Variants in DOCK5 observed in about 807,000 individuals in gnomAD.
The protein encoded by DOCK5 is dedicator of cytokinesis 5.
In DOCK5, 142 loss-of-function variants were observed where a neutral mutation model predicts 251.8. The observed-to-expected ratio is 0.56, with a 90% confidence interval of 0.49 to 0.65. The LOEUF is 0.65. DOCK5 is among the 30% of genes least tolerant of loss of function. DOCK5 has a pLI of 0.00. For synonymous variants in DOCK5, 842 were observed against 835.5 expected, an observed-to-expected ratio of 1.01 and a Z score of -0.13; for missense variants, 2,111 against 2,312.3, an observed-to-expected ratio of 0.91 and a Z score of 1.79.
chr8:25,408,685 G>T, intron 49 of DOCK5, 117 bp from the exon 50 acceptor site: 1 of 1,223,078 alleles, frequency 8.2e-7, no homozygotes, highest in Non-Finnish European at 1.2e-6. Context: ...CTTAAAAATC[G>T]CTCCTTCAGT....
At chr8:25,261,909 T>C (rs912860913) in intron 2 of DOCK5, among the ~76,000 whole-genome samples, 2 of 152,204 alleles carry the variant, frequency 1.3e-5, no homozygotes, top group African/African-American at 4.8e-5. Flanking sequence ...TTTGGGTTCA[T>C]CCATGATGTT....
intron 45 of DOCK5, among the ~76,000 whole-genome samples, chr8:25,397,104 C>A (rs1801359772): frequency 1.3e-5 from 2 of 151,908 alleles, no homozygotes; most frequent in South Asian, 4.1e-4. Flanking sequence ...TGCCTGTAAT[C>A]TCAGGTACTG....
intron 2 of DOCK5, among the ~76,000 whole-genome samples, chr8:25,249,183 G>T (rs1803201088): frequency 6.6e-6 from 1 of 151,892 alleles, no homozygotes; most frequent in African/African-American, 2.4e-5. Flanking sequence ...AATTTTTTAG[G>T]AGAGGTGAAG....
chr8:25,273,702 A>G (rs1362106092), intron 3 of DOCK5, among the ~76,000 whole-genome samples: 1 of 152,200 alleles, frequency 6.6e-6, no homozygotes, highest in Admixed American at 6.5e-5. Flanking sequence ...TGTATGTTTT[A>G]TACTGATAGA....
intron 2 of DOCK5, among the ~76,000 whole-genome samples, chr8:25,253,376 C>T (rs971874371): frequency 6.6e-6 from 1 of 151,868 alleles, no homozygotes; most frequent in Admixed American, 6.6e-5. Flanking sequence ...TGGACCGCAA[C>T]AGATCTTGGT....
chr8:25,402,677 C>A (rs1012902281), intron 47 of DOCK5, among the ~76,000 whole-genome samples: 18 of 152,166 alleles, frequency 1.2e-4, no homozygotes, highest in Non-Finnish European at 2.6e-4. Context: ...CTCCTGGACT[C>A]AAGCAATCCT....
chr8:25,255,168 ACT>A (rs1474047514), intron 2 of DOCK5, among the ~76,000 whole-genome samples: 1 of 152,156 alleles, frequency 6.6e-6, no homozygotes, highest in Non-Finnish European at 1.5e-5. Flanking sequence ...AGCTAAACAC[ACT>A]CTCATCACAC....
At chr8:25,365,252 A>G (rs1187535801) in intron 30 of DOCK5, among the ~76,000 whole-genome samples, 1 of 152,198 alleles carries the variant, frequency 6.6e-6, no homozygotes, top group Admixed American at 6.5e-5. Context: ...GCGCCCTGGT[A>G]GGGGCATTTC....
intron 36 of DOCK5, 69 bp downstream of exon 36, chr8:25,373,727 C>G: frequency 7.0e-7 from 1 of 1,432,516 alleles, no homozygotes; most frequent in Non-Finnish European, 9.5e-7. Flanking sequence ...CTTCAGTAAA[C>G]AAATACTTTC....
At chr8:25,260,803 T>C (rs543083924) in intron 2 of DOCK5, among the ~76,000 whole-genome samples, 1 of 152,130 alleles carries the variant, frequency 6.6e-6, no homozygotes, top group Admixed American at 6.5e-5. Context: ...TTTCTTTTTT[T>C]TTTTTTTAAA....
chr8:25,313,120 G>T (rs1805145865), intron 13 of DOCK5, among the ~76,000 whole-genome samples: 1 of 152,082 alleles, frequency 6.6e-6, no homozygotes, highest in South Asian at 2.1e-4. Flanking sequence ...AACTCCCTGG[G>T]CTCAGAACTC....
intron 9 of DOCK5, among the ~76,000 whole-genome samples, chr8:25,301,509 T>C (rs1804762048): frequency 6.6e-6 from 1 of 152,180 alleles, no homozygotes; most frequent in East Asian, 1.9e-4. Context: ...TAGTTTTTTT[T>C]CTGAAGTCGA....
intron 36 of DOCK5, 40 bp downstream of exon 36, chr8:25,373,698 A>G (rs1446273337): frequency 3.2e-6 from 5 of 1,546,592 alleles, no homozygotes; most frequent in Non-Finnish European, 4.4e-6. Flanking sequence ...TGTTTATTTC[A>G]TGGCTTTGTG....
intron 32 of DOCK5, 34 bp from the exon 33 acceptor site, chr8:25,368,537 A>G: frequency 1.9e-6 from 3 of 1,564,706 alleles, no homozygotes; most frequent in Non-Finnish European, 2.6e-6. Context: ...TCAGTGAAAT[A>G]ATTTTTTAAT....
At chr8:25,344,361 A>T (rs1159150209) in intron 25 of DOCK5, among the ~76,000 whole-genome samples, 2 of 152,198 alleles carry the variant, frequency 1.3e-5, no homozygotes, top group African/African-American at 2.4e-5. Context: ...TCTGGGGCTA[A>T]CTACCTGGTC....
Position 25,377,321 on chromosome 8 carries a change from G to C in DOCK5, c.3833G>C (p.Cys1278Ser). Residue 1278 changes from cysteine (C) to serine (S), a missense_variant, in exon 38 of 52, where the codon TGT becomes TCT. By Grantham distance (112) the Cys-to-Ser change is moderately radical. Around this residue, in one of 3 missense-constraint regions of DOCK5, gnomAD observed 1,717 missense variants for 1,892.4 expected, o/e 0.91. Transcript: ENST00000276440. ...CCTTTTCAGTGGTCTGACAAGCCCT[G>C]TGTGCCTCATTTGCTTCAGAAGGAC... ...AELLQWSDKP[C>S]VPHLLQKDSY... is the part of the protein sequence containing the mutation. The C allele has an allele frequency of 6.2e-7, 1 of 1,613,344 alleles. No individual in the cohort carries two copies. The highest frequency in any genetic ancestry group is 8.5e-7 in the Non-Finnish European group (1 of 1,179,502).
chr8:25,382,768 C>G lies in DOCK5; in HGVS notation c.4121C>G (p.Ser1374Cys). 1 of 1,612,956 alleles carries G rather than the reference C, an allele frequency of 6.2e-7. No individual in the cohort carries two copies. The highest frequency in any genetic ancestry group is 1.3e-5 in the African/African-American group (1 of 74,986). Reference sequence around the variant, plus strand: ...GGATACTATGGACAGGGCTTTCCTTCTTTCCTACGGGTAAGAAACCTGATG... The same window carrying G: ...GGATACTATGGACAGGGCTTTCCTTGTTTCCTACGGGTAAGAAACCTGATG... ...AVGYYGQGFPSFLRNKIFIYR... is the reference protein window; with the variant it reads ...AVGYYGQGFPCFLRNKIFIYR... The change falls in exon 40 of 52, where the codon TCT becomes TGT. Residue 1374 changes from serine to cysteine, a missense_variant. Ser to Cys is a moderately radical substitution (Grantham distance 112, BLOSUM62 -1). Around this residue, in one of 3 missense-constraint regions of DOCK5, gnomAD observed 1,717 missense variants for 1,892.4 expected, o/e 0.91. Transcript: ENST00000276440.
At chr8:25,371,113 T>G (rs1800865363) in intron 34 of DOCK5, among the ~76,000 whole-genome samples, 1 of 151,792 alleles carries the variant, frequency 6.6e-6, no homozygotes, top group Non-Finnish European at 1.5e-5. Context: ...CTGTTGTGTG[T>G]GAGTTTTGTG....
chr8:25,359,597 C>G (rs1015156957), intron 28 of DOCK5, among the ~76,000 whole-genome samples: 1 of 152,218 alleles, frequency 6.6e-6, no homozygotes, highest in African/African-American at 2.4e-5. Context: ...TCAGCAGAGG[C>G]ATTAGATTCT....
Sources: allele counts gnomAD v4.1 joint callset (sites outside exome capture counted in the v4.1 genomes callset), GRCh38; gene constraint gnomAD v4.1.1; regional missense constraint gnomAD v4.1.1; transcripts MANE v1.5; gene names NCBI Gene and HGNC (gene_info 2026-07-23, HGNC 2026-07-21).